The following ZNF160 variants were observed in gnomAD, a reference collection of about 807,000 sequenced individuals.
ZNF160 encodes KRAB zinc finger protein KR18.
Under a neutral mutation model 13.1 loss-of-function variants are expected in ZNF160, and 9 were observed. The observed-to-expected ratio is 0.69, with a 90% CI of 0.41 to 1.20. The LOEUF (loss-of-function observed/expected upper bound fraction) is 1.20, where lower values mean the gene tolerates loss of function less well. Among genes scored for constraint, ZNF160 ranks in the 50% most tolerant of loss-of-function variants. ZNF160 has a pLI of 0.01. For synonymous variants in ZNF160, 293 were observed against 333.2 expected (o/e 0.88, Z 1.31); for missense variants, 838 against 988.0 (o/e 0.85, Z 2.04).
At chr19:53,074,417 C>A in intron 4 of ZNF160, 149 bp from the exon 5 acceptor site, 2 of 1,343,120 alleles carry the variant, frequency 1.5e-6, no homozygotes, top group Non-Finnish European at 1.9e-6. Flanking sequence ...CCTGTAATCC[C>A]AGCATTTTGG....
chr19:53,088,238 G>A (rs116064199), intron 2 of ZNF160, among the ~76,000 whole-genome samples: 9 of 152,154 alleles, frequency 5.9e-5, no homozygotes, highest in African/African-American at 1.7e-4. Flanking sequence ...ACATGCTACC[G>A]ACAGGAAGAA....
At chr19:53,085,868 T>G in intron 3 of ZNF160, 1 of 583,440 alleles carries the variant, frequency 1.7e-6, no homozygotes, top group Non-Finnish European at 3.0e-6. Flanking sequence ...TAGTGTTCTT[T>G]TCTATGCCAG....
Position 53,070,179 on chromosome 19 carries a change from C to T in ZNF160, c.355G>A (p.Glu119Lys), listed in dbSNP as rs765112792. The part of the protein sequence containing the change: ...TEAVFHTVVL[E>K]RHESPDIEDF... ...TCAATGTCAGGGCTTTCGTGTCTTTCCAACACCACTGTGTGGAATACTGCT... is the reference window on the plus strand; with the variant it reads ...TCAATGTCAGGGCTTTCGTGTCTTTTCAACACCACTGTGTGGAATACTGCT... The change falls in exon 6 of 6, where the codon GAA becomes AAA. Residue 119 changes from glutamate to lysine, a missense_variant. Physicochemically the swap from Glu to Lys is moderately conservative, Grantham distance 56 (BLOSUM62 1). Transcript: ENST00000683776. 1.9e-6 allele frequency: 3 copies of T among 1,614,004 alleles called. No homozygotes were observed. Among genetic ancestry groups the T allele is most frequent in the East Asian group, 2.2e-5 (1 of 44,874 alleles).
intron 5 of ZNF160, among the ~76,000 whole-genome samples, chr19:53,070,636 G>A (rs570285786): frequency 9.9e-5 from 15 of 152,206 alleles, no homozygotes; most frequent in African/African-American, 2.9e-4. Context: ...GGATGGTCTC[G>A]ATCTCTTGAC....
At position 53,069,768 on chromosome 19, in the gene ZNF160, G is replaced by A; in HGVS notation, c.766C>T (p.Pro256Ser). 1 of 1,614,152 alleles carries A rather than the reference G, an allele frequency of 6.2e-7. No homozygotes were observed. Among genetic ancestry groups the A allele is most frequent in the Non-Finnish European group, 8.5e-7 (1 of 1,180,038 alleles). Reference sequence around the variant, plus strand: ...TTGCCACATTCATTACATTTATAAGGTTTTCCACAACTGTTTGCTTTTCGT... The same window carrying A: ...TTGCCACATTCATTACATTTATAAGATTTTCCACAACTGTTTGCTTTTCGT... The part of the protein sequence containing the change: ...QRRKANSCGK[P>S]YKCNECGKAF... Residue 256 changes from proline to serine, a missense_variant, in exon 6 of 6, where the codon CCT becomes TCT. This residue lies in a region of ZNF160 where 387 missense variants were observed against 402.3 expected (regional missense o/e 0.96). Transcript: ENST00000683776. This position sits in a 1 kb window ranked among gnomAD's most constrained non-coding sequence, Gnocchi z 4.4.
rs769504217 is a variant in ZNF160 at position 53,074,297 on chromosome 19, T to G, written c.143-29A>C. The G allele has an allele frequency of 1.9e-6, 3 of 1,611,200 alleles. No homozygotes were observed. In the Admixed American group the frequency reaches 5.0e-5, roughly 27 times the overall value. On this transcript the variant is annotated intron_variant, in intron 4 of 5. Coordinates refer to ENST00000683776, the MANE Select transcript of ZNF160 (RefSeq NM_001322131.2). ...TTTATAAAAAGAAAGGATCACAATG[T>G]GCCGGGGCTTTTCCAGAATCCCAGC...
At chr19:53,071,855 C>T (rs179312) in intron 5 of ZNF160, among the ~76,000 whole-genome samples, 118,925 of 151,970 alleles carry the variant, frequency 0.78, 46,944 homozygotes, top group Admixed American at 0.83. Flanking sequence ...AAAGCATATT[C>T]ATTATGTACA....
chr19:53,089,143 C>T (rs1162111529), intron 2 of ZNF160, among the ~76,000 whole-genome samples: 3 of 152,170 alleles, frequency 2.0e-5, no homozygotes, highest in African/African-American at 7.2e-5. Flanking sequence ...CAGTTGGTCG[C>T]CCAGAAGTTC....
chr19:53,087,242 A>C (rs2084871130), intron 2 of ZNF160, among the ~76,000 whole-genome samples: 3 of 152,234 alleles, frequency 2.0e-5, no homozygotes, highest in Admixed American at 2.0e-4. Flanking sequence ...GGGAGGACAC[A>C]GGAAGGAGAT....
At chr19:53,095,792 G>C (rs1006530964) in intron 1 of ZNF160, 1 of 150,128 alleles carries the variant, frequency 6.7e-6, no homozygotes, top group South Asian at 2.1e-4. Flanking sequence ...AAAGAGTCAC[G>C]TTACATGAGA....
chr19:53,100,645 G>A (rs1043088643), intron 1 of ZNF160, among the ~76,000 whole-genome samples: 5 of 149,786 alleles, frequency 3.3e-5, no homozygotes, highest in Admixed American at 1.3e-4. Context: ...TTATGTTAAC[G>A]TTAAAAAAAA....
chr19:53,100,269 A>G (rs2085393129), intron 1 of ZNF160, among the ~76,000 whole-genome samples: 1 of 152,204 alleles, frequency 6.6e-6, no homozygotes, highest in African/African-American at 2.4e-5. Context: ...TTAGTAGTTC[A>G]CAGGTCACTA....
chr19:53,074,401 C>G, intron 4 of ZNF160, 133 bp from the exon 5 acceptor site: 14 of 1,410,690 alleles, frequency 9.9e-6, no homozygotes, highest in African/African-American at 1.5e-5. Flanking sequence ...GGCGCGGTGG[C>G]TCATGCCTGT....
chr19:53,081,810 C>T (rs1264601839), intron 3 of ZNF160, among the ~76,000 whole-genome samples: 6 of 152,098 alleles, frequency 3.9e-5, no homozygotes, highest in Non-Finnish European at 7.4e-5. Flanking sequence ...CAAAAAGACA[C>T]CTATATTCAT....
rs771461370 is a variant in ZNF160, at chr19:53,068,895, T to C, written c.1639A>G (p.Thr547Ala). The change falls in exon 6 of 6, where the codon ACT (threonine) becomes GCT (alanine). Residue 547 changes from threonine to alanine, a missense_variant. Transcript: ENST00000683776. ...TGACTTCTAAGGTGTGATTTTTGAG[T>C]GAAGCTCTTGCCACATTCAATACAT... ...YKCIECGKSF[T>A]QKSHLRSHRG... The C allele has an allele frequency of 3.7e-6, 6 of 1,614,132 alleles. 1 individual carries two copies. The Admixed American group carries it at 1.0e-4, about 27-fold the overall frequency.
chr19:53,093,932 C>T (rs1163191903), intron 1 of ZNF160, among the ~76,000 whole-genome samples: 1 of 152,104 alleles, frequency 6.6e-6, no homozygotes, highest in Non-Finnish European at 1.5e-5. Context: ...ATTTCAAAGC[C>T]ATATACATTT....
chr19:53,070,569 C>T (rs2084132409), intron 5 of ZNF160, among the ~76,000 whole-genome samples: 1 of 152,046 alleles, frequency 6.6e-6, no homozygotes, highest in African/African-American at 2.4e-5. Context: ...CGCCACCACG[C>T]CTGGCTAATT....
intron 4 of ZNF160, among the ~76,000 whole-genome samples, chr19:53,074,741 A>G (rs933183423): frequency 6.6e-6 from 1 of 152,112 alleles, no homozygotes; most frequent in Non-Finnish European, 1.5e-5. Context: ...ACATGCTGAT[A>G]GAAGGCTCTA....
chr19:53,076,831 A>T (rs544549778), intron 3 of ZNF160: 10 of 152,324 alleles, frequency 6.6e-5, no homozygotes, highest in African/African-American at 2.4e-4. Context: ...TCCTGCCATG[A>T]TGTAGTATCA....
Sources: gnomAD v4.1 joint callset for allele counts (sites outside exome capture counted in the v4.1 genomes callset) on GRCh38, gnomAD v4.1.1 for gene constraint, gnomAD v4.1.1 regional missense constraint, Gnocchi (gnomAD v3.1) non-coding constraint, MANE v1.5 for transcripts, NCBI Gene and HGNC (gene_info 2026-07-23, HGNC 2026-07-21) for gene names.